The following CHEK2 variants were observed in gnomAD, a reference collection of about 807,000 sequenced individuals.
CHEK2 encodes serine/threonine-protein kinase Chk2.
A neutral mutation model predicts 69.1 loss-of-function variants in CHEK2; 71 were observed. The ratio of observed to expected loss-of-function variants is 1.03; its 90% CI spans 0.85 to 1.25. The LOEUF (loss-of-function observed/expected upper bound fraction) is 1.25. CHEK2 is among the 50% of genes most tolerant of loss of function. The probability of loss-of-function intolerance (pLI) is 0.00; values close to 1 mark genes in which losing one functional copy is unlikely to be tolerated. For missense variants in CHEK2, 664 were observed against 649.6 expected (o/e 1.02, Z -0.24); for synonymous variants, 189 against 226.9 (o/e 0.83, Z 1.50).
In CHEK2 at chr22:28,733,253, A is replaced by T. The variant is rs915738485; in HGVS notation, c.319+1150T>A. 2.0e-4 allele frequency among the ~76,000 whole-genome samples: 30 copies of T among 152,330 alleles called. No individual in the cohort carries two copies. The East Asian group carries it at 5.6e-3, about 28-fold the overall frequency. On this transcript the variant is annotated intron_variant, in intron 2 of 14. Transcript: ENST00000404276. Reference sequence around the variant, plus strand: ...TCAACAAATGGCCATCTCTATTCTGAACAGCTCTGATTCTCTGAAGCTGTG... The same window carrying T: ...TCAACAAATGGCCATCTCTATTCTGTACAGCTCTGATTCTCTGAAGCTGTG...
At chr22:28,714,724 G>A (rs1191795338) in intron 5 of CHEK2, among the ~76,000 whole-genome samples, 1 of 152,142 alleles carries the variant, frequency 6.6e-6, no homozygotes, top group Admixed American at 6.6e-5. Context: ...ACAAGGTCAT[G>A]AAGAGCTGTC....
intron 5 of CHEK2, among the ~76,000 whole-genome samples, chr22:28,717,589 A>G (rs1008756670): frequency 2.0e-5 from 3 of 151,384 alleles, no homozygotes; most frequent in East Asian, 2.0e-4. Context: ...AAAAATAAAA[A>G]TTAGGGCCGG....
chr22:28,696,464 C>T (rs1031692236), intron 10 of CHEK2, among the ~76,000 whole-genome samples: 1 of 152,192 alleles, frequency 6.6e-6, no homozygotes, highest in Non-Finnish European at 1.5e-5. Context: ...ACTTCTGCCT[C>T]CCAGGTTCAA....
chr22:28,709,043 A>G, intron 7 of CHEK2: 1 of 371,524 alleles, frequency 2.7e-6, no homozygotes. Context: ...CTTGAGTTTA[A>G]TGCCATTGCC....
rs552565033 is a variant in CHEK2 at position 28,691,795 on chromosome 22, T to G, written c.1461+2237A>C. On this transcript the variant is annotated intron_variant, in intron 13 of 14. Coordinates refer to ENST00000404276, the MANE Select transcript of CHEK2 (RefSeq NM_007194.4). ...GTAAATATGAGGCAGAGAGTAGATG[T>G]AAGGGATGCTCCCAAAACTGGGCAC... Among the ~76,000 whole-genome samples the G allele has an allele frequency of 7.9e-5, 12 of 152,352 alleles. No homozygotes were observed. The South Asian group carries it at 2.5e-3, about 32-fold the overall frequency.
chr22:28,737,241 A>G (rs1010600591), intron 1 of CHEK2: 1 of 465,642 alleles, frequency 2.1e-6, no homozygotes, highest in African/African-American at 2.0e-5. Flanking sequence ...AATTTCACAA[A>G]TAGAAGATTA....
chr22:28,695,662 A>G, intron 11 of CHEK2, 48 bp downstream of exon 11: 1 of 1,547,962 alleles, frequency 6.5e-7, no homozygotes, highest in Non-Finnish European at 8.9e-7. Context: ...TTGTGACTTC[A>G]TCTAATCACC....
intron 5 of CHEK2, among the ~76,000 whole-genome samples, chr22:28,713,788 C>T (rs1205230311): frequency 6.6e-6 from 1 of 151,974 alleles, no homozygotes; most frequent in African/African-American, 2.4e-5. Context: ...TCAAGCAATT[C>T]TCGTGCCTCA....
chr22:28,731,964 C>T lies in CHEK2; in HGVS notation c.319+2439G>A, dbSNP rs567143968. On this transcript the variant is annotated intron_variant, in intron 2 of 14. Transcript: ENST00000404276. ...TATTTATTTGTTTATTTTTTGGAGA[C>T]GGAATCTCGCTCTGTCACCCAGGCG... 4.6e-5 allele frequency among the ~76,000 whole-genome samples: 7 copies of T among 152,156 alleles called. No individual in the cohort carries two copies. The East Asian group carries it at 1.2e-3, about 25-fold the overall frequency.
Position 28,724,592 on chromosome 22 carries a change from G to A in CHEK2, c.592+385C>T, listed in dbSNP as rs2053919719. The A allele has an allele frequency of 1.7e-5, 5 of 286,448 alleles. No homozygotes were observed. In the South Asian group the frequency reaches 1.9e-4, roughly 11 times the overall value. 17.7% of individuals were successfully genotyped at this position (286,448 alleles called of 1,614,324 possible). A position where few individuals can be genotyped will look rare whatever the true frequency, so the allele number is the denominator to read the frequency against. ...ATCTTTTTTTTTGTTTTGAGACAGA[G>A]TTTCACTCTTGTTGCCCAGGCTAGA... On this transcript the variant is annotated intron_variant, in intron 4 of 14. Transcript: ENST00000404276.
chr22:28,702,025 C>T (rs1006261536), intron 8 of CHEK2, among the ~76,000 whole-genome samples: 3 of 150,608 alleles, frequency 2.0e-5, no homozygotes, highest in African/African-American at 7.3e-5. Context: ...AATCTCAGCT[C>T]ATTACAGCCT....
intron 9 of CHEK2, among the ~76,000 whole-genome samples, chr22:28,699,192 G>A (rs969781582): frequency 6.6e-6 from 1 of 151,834 alleles, no homozygotes; most frequent in Non-Finnish European, 1.5e-5. Flanking sequence ...TGTAGAGATG[G>A]GGGTCCCATT....
At chr22:28,716,751 G>T (rs1269993853) in intron 5 of CHEK2, among the ~76,000 whole-genome samples, 2 of 152,156 alleles carry the variant, frequency 1.3e-5, no homozygotes, top group Non-Finnish European at 2.9e-5. Flanking sequence ...TTTGTAATGT[G>T]GTAACAGTAT....
intron 4 of CHEK2, among the ~76,000 whole-genome samples, chr22:28,720,833 A>G (rs1028559067): frequency 4.6e-5 from 7 of 152,180 alleles, no homozygotes; most frequent in African/African-American, 1.7e-4. Context: ...CTCATGATGT[A>G]TTTCTCCTGT....
At position 28,715,038 on chromosome 22, in the gene CHEK2, G is replaced by A. The variant is rs562592094; in HGVS notation, c.684-3021C>T. Among the ~76,000 whole-genome samples the A allele has an allele frequency of 5.9e-5, 9 of 152,138 alleles. No homozygotes were observed. The East Asian group carries it at 1.2e-3, about 20-fold the overall frequency. On this transcript the variant is annotated intron_variant, in intron 5 of 14. Coordinates refer to ENST00000404276, the MANE Select transcript of CHEK2 (RefSeq NM_007194.4). ...AGCAGTGAGCCATGATCATGCCACC[G>A]CACTCCAGCCTGAGACACAGAGCAA...
chr22:28,697,531 A>G (rs1256401364), intron 9 of CHEK2, among the ~76,000 whole-genome samples: 1 of 151,774 alleles, frequency 6.6e-6, no homozygotes, highest in Admixed American at 6.6e-5. Context: ...AAATGAACAA[A>G]CACCAACATA....
At chr22:28,720,337 C>T (rs761923641) in intron 4 of CHEK2, among the ~76,000 whole-genome samples, 1 of 151,246 alleles carries the variant, frequency 6.6e-6, no homozygotes, top group Non-Finnish European at 1.5e-5. Flanking sequence ...GTGATCCACC[C>T]ACCTTGGCAT....
intron 7 of CHEK2, among the ~76,000 whole-genome samples, chr22:28,706,179 T>G (rs564390211): frequency 6.6e-6 from 1 of 151,704 alleles, no homozygotes; most frequent in Admixed American, 6.6e-5. Flanking sequence ...CACGAACCTG[T>G]AGTCCCAGCT....
intron 2 of CHEK2, among the ~76,000 whole-genome samples, chr22:28,726,562 TATA>T (rs1050800315): frequency 2.7e-4 from 40 of 145,686 alleles, no homozygotes; most frequent in African/African-American, 7.5e-4. Context: ...TATCTAAATA[TATA>T]ATAATATATA....
Sources: gnomAD v4.1 joint callset for allele counts (sites outside exome capture counted in the v4.1 genomes callset) on GRCh38, gnomAD v4.1.1 for gene constraint, MANE v1.5 for transcripts, NCBI Gene and HGNC (gene_info 2026-07-23, HGNC 2026-07-21) for gene names.